Variants in C7orf78 observed in about 807,000 individuals in gnomAD.
C7orf78 encodes the protein putative uncharacterized protein C7orf78.
the C7orf78 span, among the ~76,000 whole-genome samples, chr7:12,539,299 C>A: frequency 6.6e-6 from 1 of 152,010 alleles, no homozygotes; most frequent in Non-Finnish European, 1.5e-5. Flanking sequence ...CCCATCTCTA[C>A]TAAAAATACA....
At chr7:12,530,681 G>A in the C7orf78 span, among the ~76,000 whole-genome samples, 1 of 152,016 alleles carries the variant, frequency 6.6e-6, no homozygotes, top group African/African-American at 2.4e-5. Flanking sequence ...TTTTACAAAG[G>A]CTTAAATATT....
chr7:12,507,416 A>C, the C7orf78 span: 2 of 186,398 alleles, frequency 1.1e-5, no homozygotes, highest in East Asian at 2.4e-4. Flanking sequence ...GCCAGCACTA[A>C]GAAAAAGCCA....
At chr7:12,532,189 T>C in the C7orf78 span, among the ~76,000 whole-genome samples, 1 of 152,222 alleles carries the variant, frequency 6.6e-6, no homozygotes, top group Admixed American at 6.5e-5. Flanking sequence ...CTTGCTTGTC[T>C]GTGTCTGCAG....
the C7orf78 span, among the ~76,000 whole-genome samples, chr7:12,508,559 C>T: frequency 6.6e-6 from 1 of 152,090 alleles, no homozygotes; most frequent in Admixed American, 6.6e-5. Context: ...TGAGTTGCTC[C>T]AATGTACTTT....
At chr7:12,509,320 T>C in the C7orf78 span, among the ~76,000 whole-genome samples, 2 of 152,214 alleles carry the variant, frequency 1.3e-5, no homozygotes, top group Non-Finnish European at 2.9e-5. Context: ...ATGTTTGAAT[T>C]ATTTCAGTAA....
At chr7:12,511,987 G>C in the C7orf78 span, among the ~76,000 whole-genome samples, 7 of 141,124 alleles carry the variant, frequency 5.0e-5, no homozygotes, top group African/African-American at 1.6e-4. Context: ...GTGTTAGCCA[G>C]GATGGTCTCG....
chr7:12,524,880 A>G, the C7orf78 span, among the ~76,000 whole-genome samples: 1 of 152,134 alleles, frequency 6.6e-6, no homozygotes, highest in Non-Finnish European at 1.5e-5. Flanking sequence ...TAAAAACTTG[A>G]GTAAATAAAA....
At chr7:12,495,188 A>G in the C7orf78 span, among the ~76,000 whole-genome samples, 3 of 152,102 alleles carry the variant, frequency 2.0e-5, no homozygotes, top group African/African-American at 7.2e-5. Flanking sequence ...CCACACAAAC[A>G]CACTCATTTT....
At chr7:12,509,766 T>C in the C7orf78 span, among the ~76,000 whole-genome samples, 1 of 152,198 alleles carries the variant, frequency 6.6e-6, no homozygotes, top group South Asian at 2.1e-4. Flanking sequence ...TAATGACTTC[T>C]ATCTCCATCC....
the C7orf78 span, among the ~76,000 whole-genome samples, chr7:12,500,146 C>T: frequency 6.9e-6 from 1 of 145,002 alleles, no homozygotes; most frequent in Non-Finnish European, 1.5e-5. Flanking sequence ...CCAAAATTGA[C>T]ACCCTAACAT....
chr7:12,513,799 G>C, the C7orf78 span, among the ~76,000 whole-genome samples: 25 of 151,684 alleles, frequency 1.6e-4, no homozygotes, highest in Non-Finnish European at 2.8e-4. Context: ...AGGAGATTGA[G>C]ACCATCCTGG....
chr7:12,519,470 CCAGT>C, the C7orf78 span, among the ~76,000 whole-genome samples: 2 of 152,182 alleles, frequency 1.3e-5, no homozygotes, highest in Non-Finnish European at 1.5e-5. Flanking sequence ...CCTTCCAGCT[CCAGT>C]CAGACAGCTC....
At chr7:12,486,670 C>G in the C7orf78 span, among the ~76,000 whole-genome samples, 82 of 152,004 alleles carry the variant, frequency 5.4e-4, no homozygotes, top group South Asian at 0.017. Flanking sequence ...GCATTTTAGT[C>G]AACATTGTGG....
the C7orf78 span, among the ~76,000 whole-genome samples, chr7:12,533,141 A>G: frequency 6.6e-6 from 1 of 152,202 alleles, no homozygotes; most frequent in Non-Finnish European, 1.5e-5. Context: ...TTGGTGGCTC[A>G]ACATAAAAGA....
the C7orf78 span, among the ~76,000 whole-genome samples, chr7:12,493,110 G>A: frequency 1.3e-5 from 2 of 152,308 alleles, no homozygotes; most frequent in South Asian, 4.1e-4. Flanking sequence ...ACTGAGGTGA[G>A]AGAATTGCTT....
At chr7:12,525,503 G>T in the C7orf78 span, among the ~76,000 whole-genome samples, 4 of 152,084 alleles carry the variant, frequency 2.6e-5, no homozygotes, top group African/African-American at 9.6e-5. Context: ...TTTAAGATTA[G>T]GTTAACTAAT....
the C7orf78 span, among the ~76,000 whole-genome samples, chr7:12,492,188 T>A: frequency 6.6e-6 from 1 of 152,146 alleles, no homozygotes; most frequent in Non-Finnish European, 1.5e-5. Flanking sequence ...ACTTATATGC[T>A]TAAAACTACT....
the C7orf78 span, among the ~76,000 whole-genome samples, chr7:12,500,427 T>G: frequency 1.3e-5 from 2 of 150,018 alleles, no homozygotes; most frequent in Non-Finnish European, 3.0e-5. Context: ...AAATACAAAC[T>G]ACCATCAGAG....
the C7orf78 span, among the ~76,000 whole-genome samples, chr7:12,497,280 A>C: frequency 6.6e-6 from 1 of 152,238 alleles, no homozygotes; most frequent in African/African-American, 2.4e-5. Flanking sequence ...GCGACGCAGA[A>C]GACGGGTGAT....
Sources: gnomAD v4.1 joint callset for allele counts (sites outside exome capture counted in the v4.1 genomes callset) on GRCh38, gnomAD v4.1.1 for gene constraint, MANE v1.5 for transcripts, NCBI Gene and HGNC (gene_info 2026-07-23, HGNC 2026-07-21) for gene names.